Variants in KDM4C observed in about 807,000 individuals in gnomAD.
KDM4C encodes the protein lysine-specific demethylase 4C.
In KDM4C, 81 loss-of-function variants were observed where a neutral mutation model predicts 129.3. The ratio of observed to expected loss-of-function variants is 0.63; its 90% CI spans 0.52 to 0.75. The LOEUF is 0.75. Among genes scored for constraint, KDM4C ranks in the 30% least tolerant of loss-of-function variants. The pLI, the probability that KDM4C is intolerant of heterozygous loss-of-function variation, is 0.00. For synonymous variants in KDM4C, 573 were observed against 456.1 expected, an observed-to-expected ratio of 1.26 and a Z score of -3.26; for missense variants, 1,457 against 1,304.0, an observed-to-expected ratio of 1.12 and a Z score of -1.81.
At chr9:7,083,372 A>G (rs1402215581) in intron 17 of KDM4C, among the ~76,000 whole-genome samples, 1 of 152,242 alleles carries the variant, frequency 6.6e-6, no homozygotes, top group East Asian at 1.9e-4. Context: ...GATTAGATAT[A>G]TTCAGTGTGC....
chr9:6,830,141 G>T lies in KDM4C; in HGVS notation c.435+15396G>T, dbSNP rs79386622. 2.4e-3 allele frequency among the ~76,000 whole-genome samples: 361 copies of T among 152,118 alleles called. 1 individual carries two copies. The highest frequency in any genetic ancestry group is 8.4e-3 in the African/African-American group (350 of 41,480). ...CTTACATGTTACAAAGGAGAAATAC[G>T]GATACAAATTGTTAAAGCCATGAAG... On this transcript the variant is annotated intron_variant, in intron 4 of 21. Coordinates refer to ENST00000381309, the MANE Select transcript of KDM4C (RefSeq NM_015061.6).
chr9:6,950,334 A>T (rs10975929), intron 8 of KDM4C, among the ~76,000 whole-genome samples: 5,851 of 152,190 alleles, frequency 0.038, 163 homozygotes, highest in Middle Eastern at 0.11. Flanking sequence ...GGTAAGTAGA[A>T]ATCTATGTTT....
At chr9:6,914,638 A>G (rs975223331) in intron 8 of KDM4C, among the ~76,000 whole-genome samples, 10 of 152,248 alleles carry the variant, frequency 6.6e-5, no homozygotes, top group Admixed American at 2.0e-4. Context: ...ACCCCAATAC[A>G]CTAGTATTAA....
chr9:7,083,308 T>C (rs1439868862), intron 17 of KDM4C, among the ~76,000 whole-genome samples: 1 of 152,258 alleles, frequency 6.6e-6, no homozygotes. Flanking sequence ...GTTGAGTGTT[T>C]TGTTGGCATT....
At chr9:7,028,700 A>T (rs1169420635) in intron 15 of KDM4C, among the ~76,000 whole-genome samples, 2 of 151,592 alleles carry the variant, frequency 1.3e-5, no homozygotes, top group Non-Finnish European at 2.9e-5. Flanking sequence ...TTTATTTCGC[A>T]CCCCAGAGTA....
chr9:7,101,167 C>T (rs536991272), intron 17 of KDM4C, among the ~76,000 whole-genome samples: 6 of 152,114 alleles, frequency 3.9e-5, no homozygotes, highest in Non-Finnish European at 8.8e-5. Flanking sequence ...TTAATTGTAG[C>T]ATGCCTATTC....
chr9:6,728,626 C>T (rs930537784), intron 1 of KDM4C, among the ~76,000 whole-genome samples: 6 of 151,958 alleles, frequency 3.9e-5, no homozygotes, highest in Admixed American at 2.0e-4. Flanking sequence ...GCGGGCGGAT[C>T]ACGAGGTCAG....
intron 11 of KDM4C, 56 bp downstream of exon 11, chr9:6,986,722 G>C: frequency 7.8e-7 from 1 of 1,275,480 alleles, no homozygotes. Flanking sequence ...AGCACATTTT[G>C]AAAACAACAT....
chr9:7,092,562 TA>T lies in KDM4C; in HGVS notation c.2425-11119del, dbSNP rs145472734. On this transcript the variant is annotated intron_variant, in intron 17 of 21. Transcript: ENST00000381309. ...CACTTTGGCCTCACAGTTGAAGCAGTAAAATATATATGTAGCTACACTTAGA... is the reference window on the plus strand; with the variant it reads ...CACTTTGGCCTCACAGTTGAAGCAGTAAATATATATGTAGCTACACTTAGA... 2.0e-3 allele frequency among the ~76,000 whole-genome samples: 301 copies of T among 152,294 alleles called. 2 individuals carry two copies. The highest frequency in any genetic ancestry group is 6.0e-3 in the African/African-American group (251 of 41,574).
At chr9:6,753,474 A>G (rs1199459123), upstream of KDM4C, among the ~76,000 whole-genome samples, 3 of 152,132 alleles carry the variant, frequency 2.0e-5, no homozygotes, top group Non-Finnish European at 4.4e-5. Flanking sequence ...GGGTCTCGCT[A>G]TGTTGCCTAG....
intron 19 of KDM4C, among the ~76,000 whole-genome samples, chr9:7,132,080 G>C (rs10815526): frequency 0.82 from 125,558 of 152,248 alleles, 52,024 homozygotes; most frequent in African/African-American, 0.87. Context: ...CTCAGGTACT[G>C]GTTAACTAGA....
rs1041065284 is a variant in KDM4C at position 6,795,815 on chromosome 9, G to T, written c.144+2683G>T. ...GCCCCGCAATTAGCTGGGATTACAG[G>T]TATGCAGCACCATGCCTGGCTAAGT... On this transcript the variant is annotated intron_variant, in intron 2 of 21. Coordinates refer to ENST00000381309, the MANE Select transcript of KDM4C (RefSeq NM_015061.6). 3.9e-5 allele frequency among the ~76,000 whole-genome samples: 6 copies of T among 151,906 alleles called. No homozygotes were observed. In the South Asian group the frequency reaches 1.0e-3, roughly 26 times the overall value.
intron 1 of KDM4C, among the ~76,000 whole-genome samples, chr9:6,774,034 C>T (rs942021215): frequency 6.6e-6 from 1 of 152,004 alleles, no homozygotes; most frequent in African/African-American, 2.4e-5. Context: ...ACTACAGGCG[C>T]ATGCCACTAT....
At chr9:7,043,484 A>C (rs182177317) in intron 15 of KDM4C, among the ~76,000 whole-genome samples, 93 of 152,180 alleles carry the variant, frequency 6.1e-4, no homozygotes, top group Non-Finnish European at 7.8e-4. Flanking sequence ...TACTATTTAA[A>C]AAAGGAAAGA....
chr9:6,800,499 A>G (rs556882015), intron 2 of KDM4C, among the ~76,000 whole-genome samples: 3 of 152,220 alleles, frequency 2.0e-5, no homozygotes, highest in Admixed American at 1.3e-4. Context: ...CGATCATGCC[A>G]CTATATTCAA....
chr9:7,165,388 A>G (rs779175868), intron 20 of KDM4C, 31 bp downstream of exon 20: 2 of 1,608,914 alleles, frequency 1.2e-6, no homozygotes, highest in African/African-American at 1.3e-5. Context: ...GATGCTTGCT[A>G]AGATTGACAT....
chr9:6,835,988 G>A (rs894147334), intron 4 of KDM4C, among the ~76,000 whole-genome samples: 4 of 152,112 alleles, frequency 2.6e-5, no homozygotes, highest in African/African-American at 9.7e-5. Context: ...TTAAATTTTT[G>A]CCTTAATACT....
chr9:7,021,764 C>T (rs1468316127), intron 15 of KDM4C, among the ~76,000 whole-genome samples: 2 of 152,136 alleles, frequency 1.3e-5, no homozygotes, highest in African/African-American at 4.8e-5. Context: ...CCAATATTTT[C>T]TGTTAGTAGT....
chr9:6,937,864 A>C (rs902759686), intron 8 of KDM4C, among the ~76,000 whole-genome samples: 4 of 152,024 alleles, frequency 2.6e-5, no homozygotes, highest in African/African-American at 7.2e-5. Context: ...TGAGTGCGCC[A>C]CTGTGGCCAG....
Sources: gnomAD v4.1 joint callset for allele counts (sites outside exome capture counted in the v4.1 genomes callset) on GRCh38, gnomAD v4.1.1 for gene constraint, MANE v1.5 for transcripts, NCBI Gene and HGNC (gene_info 2026-07-23, HGNC 2026-07-21) for gene names.